MED12L: variants seen among roughly 807,000 people sequenced by gnomAD.
MED12L encodes mediator complex subunit 12L.
Under a neutral mutation model 281.3 loss-of-function variants are expected in MED12L, and 60 were observed. The observed-to-expected ratio is 0.21, with a 90% CI of 0.17 to 0.26. The LOEUF (loss-of-function observed/expected upper bound fraction) is 0.26, where lower values mean the gene tolerates loss of function less well. Among genes scored for constraint, MED12L ranks in the 10% least tolerant of loss-of-function variants. MED12L has a pLI of 1.00. For missense variants in MED12L, 2,146 were observed against 2,680.9 expected, an observed-to-expected ratio of 0.80 and a Z score of 4.41; for synonymous variants, 974 against 987.2, an observed-to-expected ratio of 0.99 and a Z score of 0.25.
At chr3:151,087,136 A>AG (rs1293854222) in intron 2 of MED12L, 111 bp downstream of exon 2, 3 of 870,612 alleles carry the variant, frequency 3.4e-6, no homozygotes, top group Non-Finnish European at 5.1e-6. Flanking sequence ...GAGGTCGGGG[A>AG]GGGGGATTAG....
At chr3:151,420,320 G>A (rs1469246765) in intron 43 of MED12L, among the ~76,000 whole-genome samples, 1 of 152,188 alleles carries the variant, frequency 6.6e-6, no homozygotes, top group African/African-American at 2.4e-5. Context: ...AAAGGTAGGA[G>A]GAGCCCAAAG....
intron 43 of MED12L, among the ~76,000 whole-genome samples, chr3:151,421,168 A>C (rs1457107365): frequency 6.6e-6 from 1 of 152,146 alleles, no homozygotes; most frequent in South Asian, 2.1e-4. Context: ...CCATTGAGGA[A>C]TGACAGTGGT....
At chr3:151,429,947 T>C (rs1023604038) in intron 43 of MED12L, among the ~76,000 whole-genome samples, 10 of 152,166 alleles carry the variant, frequency 6.6e-5, no homozygotes, top group Non-Finnish European at 7.4e-5. Context: ...AGCTTTCATT[T>C]TGCCAGTATT....
chr3:151,323,044 C>T (rs1405404849), intron 16 of MED12L, among the ~76,000 whole-genome samples: 1 of 152,164 alleles, frequency 6.6e-6, no homozygotes, highest in Non-Finnish European at 1.5e-5. Flanking sequence ...TTCAAGCTAA[C>T]GGTCCTGAGA....
At chr3:151,120,980 A>G (rs1322697379) in intron 3 of MED12L, among the ~76,000 whole-genome samples, 2 of 152,208 alleles carry the variant, frequency 1.3e-5, no homozygotes, top group South Asian at 4.1e-4. Flanking sequence ...ATCATTAAGT[A>G]TATAGGAGAA....
chr3:151,408,024 A>G (rs1238130778), intron 39 of MED12L, among the ~76,000 whole-genome samples: 2 of 152,172 alleles, frequency 1.3e-5, no homozygotes, highest in Non-Finnish European at 2.9e-5. Context: ...CCAAATAAGT[A>G]TTTTCATCCT....
intron 16 of MED12L, among the ~76,000 whole-genome samples, chr3:151,324,468 A>G (rs912514104): frequency 5.9e-5 from 9 of 152,186 alleles, no homozygotes; most frequent in African/African-American, 2.2e-4. Context: ...GGAATTGTGA[A>G]TTCACTTGAG....
chr3:151,164,141 G>T, intron 9 of MED12L, 99 bp downstream of exon 9: 1 of 1,322,996 alleles, frequency 7.6e-7, no homozygotes, highest in Non-Finnish European at 1.0e-6. Flanking sequence ...AGATGCTTGG[G>T]TGCTATCCCA....
intron 16 of MED12L, among the ~76,000 whole-genome samples, chr3:151,224,358 T>C (rs1210099430): frequency 6.6e-6 from 1 of 152,222 alleles, no homozygotes; most frequent in Non-Finnish European, 1.5e-5. Context: ...TAGAAAATAG[T>C]ATAGATGTAT....
intron 37 of MED12L, among the ~76,000 whole-genome samples, chr3:151,388,661 C>A (rs1713786924): frequency 6.6e-6 from 1 of 152,128 alleles, no homozygotes; most frequent in African/African-American, 2.4e-5. Context: ...TTCCATCTTA[C>A]CCTCATATAT....
rs1423746626 is a variant in MED12L at position 151,436,012 on chromosome 3, A to G, written c.*3208A>G. On this transcript the variant is annotated 3_prime_UTR_variant, in exon 45 of 45. Transcript: ENST00000687756. ...TCATTGTATTTTTAAAACCTTTTTA[A>G]TGGGTGTATTTGGACAAAAATAACC... The G allele has an allele frequency of 6.6e-6, 1 of 152,222 alleles. No individual in the cohort carries two copies. Among genetic ancestry groups the G allele is most frequent in the African/African-American group, 2.4e-5 (1 of 41,456 alleles). The allele number at this position is 152,222 out of a possible 1,614,324, so 9.4% of individuals were successfully genotyped here.
intron 21 of MED12L, among the ~76,000 whole-genome samples, chr3:151,361,280 C>A (rs73008503): frequency 0.027 from 4,038 of 152,072 alleles, 170 homozygotes; most frequent in African/African-American, 0.093. Context: ...GTAACTTTTT[C>A]ATGTGTTAAT....
At chr3:151,120,565 A>G (rs558461063) in intron 3 of MED12L, among the ~76,000 whole-genome samples, 1 of 152,348 alleles carries the variant, frequency 6.6e-6, no homozygotes, top group South Asian at 2.1e-4. Context: ...CTTTCTGTAT[A>G]CAGATAAGGA....
At chr3:151,257,364 A>G (rs1439933928) in intron 16 of MED12L, among the ~76,000 whole-genome samples, 2 of 152,206 alleles carry the variant, frequency 1.3e-5, no homozygotes, top group African/African-American at 4.8e-5. Context: ...TAAATTGTTT[A>G]TGTGAGAAAC....
At chr3:151,134,926 G>A (rs543441309) in intron 5 of MED12L, among the ~76,000 whole-genome samples, 2 of 137,016 alleles carry the variant, frequency 1.5e-5, no homozygotes, top group South Asian at 2.2e-4. Context: ...TCTGGTGCAT[G>A]ATGAAAAGCC....
At chr3:151,269,988 A>G in intron 16 of MED12L, 1 of 279,898 alleles carries the variant, frequency 3.6e-6, no homozygotes, top group South Asian at 3.6e-5. Context: ...TTGGTTTTCA[A>G]TATGGATGAT....
chr3:151,398,097 A>G (rs1205820255), intron 39 of MED12L, among the ~76,000 whole-genome samples: 2 of 152,212 alleles, frequency 1.3e-5, no homozygotes, highest in Admixed American at 6.5e-5. Flanking sequence ...TATCAAATGA[A>G]TAATGTAAGA....
Position 151,372,584 on chromosome 3 carries a change from A to G in MED12L, c.3682A>G (p.Asn1228Asp). The G allele has an allele frequency of 6.2e-7, 1 of 1,613,794 alleles. No individual in the cohort carries two copies. Among genetic ancestry groups the G allele is most frequent in the Non-Finnish European group, 8.5e-7 (1 of 1,179,748 alleles). ...IMMLGDAKIG[N>D]NSVSSLKNDD... ...TTACTTAGGAGATGCCAAAATTGGC[A>G]ATAACAGTGTCAGCTCTTTAAAGAA... Residue 1228 changes from asparagine to aspartate, a missense_variant, in exon 27 of 45, where the codon AAT becomes GAT. By Grantham distance (23) the Asn-to-Asp change is conservative. This residue lies in a region of MED12L where 235 missense variants were observed against 260.3 expected (regional missense o/e 0.90). Coordinates refer to ENST00000687756, the MANE Select transcript of MED12L (RefSeq NM_001393769.1).
intron 8 of MED12L, among the ~76,000 whole-genome samples, chr3:151,160,389 AT>A (rs1294371515): frequency 6.6e-6 from 1 of 152,180 alleles, no homozygotes; most frequent in Non-Finnish European, 1.5e-5. Flanking sequence ...AGTCAGTTGT[AT>A]TATTGTTCTT....
Sources: allele counts gnomAD v4.1 joint callset (sites outside exome capture counted in the v4.1 genomes callset), GRCh38; gene constraint gnomAD v4.1.1; regional missense constraint gnomAD v4.1.1; transcripts MANE v1.5; gene names NCBI Gene and HGNC (gene_info 2026-07-23, HGNC 2026-07-21).